The following FMN1 variants were observed in gnomAD, a reference collection of about 807,000 sequenced individuals.
FMN1 encodes the protein formin-1.
FMN1 carries 110 observed loss-of-function variants against 132.4 expected under a neutral mutation model. The observed-to-expected ratio is 0.83, with a 90% CI of 0.71 to 0.97. FMN1 has a LOEUF of 0.97. Among genes scored for constraint, FMN1 ranks in the 50% least tolerant of loss-of-function variants. The probability of loss-of-function intolerance (pLI) is 0.00; values close to 1 mark genes in which losing one functional copy is unlikely to be tolerated. For missense variants in FMN1, 1,792 were observed against 1,705.3 expected (o/e 1.05, Z -0.90); for synonymous variants, 722 against 651.7 (o/e 1.11, Z -1.64).
At chr15:33,101,543 G>C (rs1471887550) in intron 4 of FMN1, among the ~76,000 whole-genome samples, 1 of 152,066 alleles carries the variant, frequency 6.6e-6, no homozygotes, top group Non-Finnish European at 1.5e-5. Flanking sequence ...CCTGGGATAG[G>C]AGTTGGACAA....
At chr15:32,915,141 G>T (rs370511694) in intron 10 of FMN1, among the ~76,000 whole-genome samples, 2 of 152,142 alleles carry the variant, frequency 1.3e-5, no homozygotes, top group African/African-American at 4.8e-5. Context: ...GAAGGTTAGG[G>T]TATCAGCCAG....
At chr15:32,782,295 A>G (rs1033875814) in intron 19 of FMN1, among the ~76,000 whole-genome samples, 6 of 152,222 alleles carry the variant, frequency 3.9e-5, no homozygotes, top group African/African-American at 1.4e-4. Flanking sequence ...GACAAATGAC[A>G]TGCATTGATA....
At chr15:32,884,844 A>G (rs958309458) in intron 16 of FMN1, among the ~76,000 whole-genome samples, 1 of 152,246 alleles carries the variant, frequency 6.6e-6, no homozygotes, top group Non-Finnish European at 1.5e-5. Flanking sequence ...TAGAGAAGCA[A>G]GCACAAGTGC....
intron 5 of FMN1, among the ~76,000 whole-genome samples, chr15:33,076,598 T>C (rs1172234360): frequency 6.6e-6 from 1 of 152,182 alleles, no homozygotes; most frequent in East Asian, 1.9e-4. Flanking sequence ...CGGTTCTTTA[T>C]GCAAGTTTTC....
intron 6 of FMN1, chr15:33,012,004 C>G (rs2034755469): frequency 4.1e-6 from 1 of 241,288 alleles, no homozygotes; most frequent in Non-Finnish European, 8.1e-6. Context: ...GATATTAATG[C>G]TTTCTTAACC....
chr15:33,058,566 T>C (rs1164398126), intron 6 of FMN1, among the ~76,000 whole-genome samples: 6 of 152,218 alleles, frequency 3.9e-5, no homozygotes, highest in African/African-American at 1.4e-4. Flanking sequence ...TTGCTTGAAA[T>C]TGCTTATGCT....
At chr15:32,844,118 G>C (rs1189442595) in intron 17 of FMN1, among the ~76,000 whole-genome samples, 2 of 149,120 alleles carry the variant, frequency 1.3e-5, no homozygotes, top group African/African-American at 4.9e-5. Context: ...TCAAGGCTCA[G>C]TTTCTCAATA....
At chr15:33,096,269 C>G (rs2039081740) in intron 4 of FMN1, among the ~76,000 whole-genome samples, 1 of 152,206 alleles carries the variant, frequency 6.6e-6, no homozygotes, top group African/African-American at 2.4e-5. Flanking sequence ...GGTGTTTGGT[C>G]TAACAATTAT....
chr15:32,960,412 A>G (rs939127792), intron 9 of FMN1, among the ~76,000 whole-genome samples: 11 of 152,212 alleles, frequency 7.2e-5, no homozygotes, highest in African/African-American at 2.7e-4. Context: ...GTGGGGTCAC[A>G]GAGCCAATTT....
At chr15:32,795,448 G>A (rs529842629) in intron 19 of FMN1, among the ~76,000 whole-genome samples, 12 of 152,114 alleles carry the variant, frequency 7.9e-5, no homozygotes, top group Non-Finnish European at 1.6e-4. Flanking sequence ...GCAGTTTCTA[G>A]ATTCATAGAG....
chr15:32,822,912 G>GCTTT (rs2058256984), intron 17 of FMN1, among the ~76,000 whole-genome samples: 1 of 151,958 alleles, frequency 6.6e-6, no homozygotes, highest in Non-Finnish European at 1.5e-5. Flanking sequence ...GAGTTTCTTG[G>GCTTT]CTTTCCTCTG....
At chr15:32,968,182 G>GA (rs1350612935) in intron 8 of FMN1, among the ~76,000 whole-genome samples, 1 of 152,192 alleles carries the variant, frequency 6.6e-6, no homozygotes, top group Non-Finnish European at 1.5e-5. Flanking sequence ...CAAGCAGAGA[G>GA]AGTTTGTATT....
intron 9 of FMN1, among the ~76,000 whole-genome samples, chr15:32,937,990 G>C (rs1472939377): frequency 6.6e-6 from 1 of 152,212 alleles, no homozygotes; most frequent in Non-Finnish European, 1.5e-5. Flanking sequence ...TCTGAGATTG[G>C]TTAGAAATTG....
intron 4 of FMN1, among the ~76,000 whole-genome samples, chr15:33,108,076 C>T (rs985095289): frequency 6.6e-6 from 1 of 152,004 alleles, no homozygotes; most frequent in African/African-American, 2.4e-5. Context: ...AAGAAAGAGT[C>T]TCGTGATTTC....
At chr15:33,170,602 T>C (rs1392264713) in intron 3 of FMN1, among the ~76,000 whole-genome samples, 1 of 151,234 alleles carries the variant, frequency 6.6e-6, no homozygotes, top group Non-Finnish European at 1.5e-5. Flanking sequence ...ACAAGAATAT[T>C]TCTCAAAAGA....
intron 3 of FMN1, among the ~76,000 whole-genome samples, chr15:33,177,364 C>A (rs952800808): frequency 6.6e-6 from 1 of 152,170 alleles, no homozygotes; most frequent in Admixed American, 6.5e-5. Flanking sequence ...TCAGTCTTCA[C>A]CTGAGATGGT....
intron 5 of FMN1, among the ~76,000 whole-genome samples, chr15:33,076,290 G>T (rs747274016): frequency 2.6e-5 from 4 of 152,178 alleles, no homozygotes; most frequent in Non-Finnish European, 5.9e-5. Context: ...AGTTGCTCCT[G>T]ATAAAAGATG....
chr15:32,957,148 A>C (rs1428933451), intron 9 of FMN1, among the ~76,000 whole-genome samples: 2 of 152,136 alleles, frequency 1.3e-5, no homozygotes, highest in Non-Finnish European at 1.5e-5. Context: ...CCTTTTACAT[A>C]TCTTACAGAA....
intron 6 of FMN1, among the ~76,000 whole-genome samples, chr15:33,045,263 A>G (rs1357774795): frequency 2.0e-5 from 3 of 151,060 alleles, no homozygotes; most frequent in Non-Finnish European, 4.4e-5. Context: ...CAGTGGCTGG[A>G]CCCCATGCTC....
Sources: allele counts gnomAD v4.1 joint callset (sites outside exome capture counted in the v4.1 genomes callset), GRCh38; gene constraint gnomAD v4.1.1; transcripts MANE v1.5; gene names NCBI Gene and HGNC (gene_info 2026-07-23, HGNC 2026-07-21).